LSM11: variants seen among roughly 807,000 people sequenced by gnomAD.
LSM11 encodes the protein LSM11, U7 small nuclear RNA associated, also known as U7 snRNA-associated Sm-like protein LSm11.
Under a neutral mutation model 28.1 loss-of-function variants are expected in LSM11, and 14 were observed. That is an observed-to-expected ratio of 0.50 (90% CI 0.33 to 0.78). The LOEUF (loss-of-function observed/expected upper bound fraction) is 0.78, where lower values mean the gene tolerates loss of function less well. LSM11 is among the 30% of genes least tolerant of loss of function. The pLI, the probability that LSM11 is intolerant of heterozygous loss-of-function variation, is 0.02. For synonymous variants in LSM11, 207 were observed against 214.2 expected, an observed-to-expected ratio of 0.97 and a Z score of 0.30; for missense variants, 495 against 510.6, an observed-to-expected ratio of 0.97 and a Z score of 0.30.
rs568885579 is a variant in LSM11 at position 157,744,197 on chromosome 5, C to T, written c.447C>T (p.Pro149=). Residue 149 remains proline (P), a splice_region_variant and synonymous_variant, in exon 1 of 4, where the codon CCC becomes CCT. Coordinates refer to ENST00000286307, the MANE Select transcript of LSM11 (RefSeq NM_173491.4). ...CACGCAACGTGCTCACGCGAATGCC[C>T]TGTGAGTCCGCGGGCCGGGCGGGAA... ...KAPRNVLTRM[P]LHEGSPLGEL... is the part of the protein sequence containing the mutation. 4 of 1,282,468 alleles carry T rather than the reference C, an allele frequency of 3.1e-6. No homozygotes were observed. The South Asian group carries it at 7.4e-5, about 24-fold the overall frequency. The allele number at this position is 1,282,468 out of a possible 1,614,324, so 79.4% of individuals were successfully genotyped here.
chr5:157,749,583 C>T (rs879469503), intron 1 of LSM11, among the ~76,000 whole-genome samples: 18 of 64,826 alleles, frequency 2.8e-4, no homozygotes, highest in Admixed American at 1.4e-3. Context: ...CGCGCGCGCA[C>T]GCGCGCACAC....
At position 157,755,082 on chromosome 5, in the gene LSM11, A is replaced by G. The variant is rs773320940; in HGVS notation, c.901A>G (p.Thr301Ala). ...GTCCAGGTCAGAGCTGTCAGGGAGG[A>G]CTACACGGACAGACGGCTCCAGTGT... ...EESRSELSGRTTRTDGSSVGG... is the reference protein window; with the variant it reads ...EESRSELSGRATRTDGSSVGG... Residue 301 changes from threonine (T) to alanine (A), a missense_variant, in exon 4 of 4, where the codon ACT becomes GCT. Transcript: ENST00000286307. The G allele has an allele frequency of 2.5e-6, 4 of 1,614,176 alleles. No individual in the cohort carries two copies. The African/African-American group carries it at 4.0e-5, about 16-fold the overall frequency.
intron 1 of LSM11, among the ~76,000 whole-genome samples, chr5:157,746,793 C>A (rs375963396): frequency 6.6e-6 from 1 of 152,072 alleles, no homozygotes; most frequent in Non-Finnish European, 1.5e-5. Flanking sequence ...GCCTCTAGTT[C>A]CAGCTGTTCA....
rs763351798 is a variant in LSM11, at chr5:157,756,064, G to A, written c.*800G>A. ...ACCCTGTGGTATTGCCCCTCTGTCC[G>A]TAGTGTGAACTGTCCTGTGAGCTTT... On this transcript the variant is annotated 3_prime_UTR_variant, in exon 4 of 4. Transcript: ENST00000286307. 1 of 194,560 alleles carries A rather than the reference G, an allele frequency of 5.1e-6. No individual in the cohort carries two copies. The highest frequency in any genetic ancestry group is 1.0e-5 in the Non-Finnish European group (1 of 96,086). 12.1% of individuals were successfully genotyped at this position (194,560 alleles called of 1,614,324 possible).
rs1211859089 is a variant in LSM11, at chr5:157,760,420, TC to T, written c.*5157del. ...TACTGACATCTAAAGACATCAGCCT[TC>T]TCTTTGGCAACCCTGGGGATACTCC... On this transcript the variant is annotated 3_prime_UTR_variant, in exon 4 of 4. Coordinates refer to ENST00000286307, the MANE Select transcript of LSM11 (RefSeq NM_173491.4). 4 of 152,246 alleles carry T rather than the reference TC, an allele frequency of 2.6e-5. No individual in the cohort carries two copies. Among genetic ancestry groups the T allele is most frequent in the African/African-American group, 9.6e-5 (4 of 41,454 alleles). The allele number at this position is 152,246 out of a possible 1,614,324, so 9.4% of individuals were successfully genotyped here.
At chr5:157,751,154 A>G (rs1290493063) in intron 1 of LSM11, among the ~76,000 whole-genome samples, 1 of 152,192 alleles carries the variant, frequency 6.6e-6, no homozygotes. Context: ...CCGGTAGTGA[A>G]ACATTTGGCT....
At chr5:157,750,034 C>T (rs1308127496) in intron 1 of LSM11, among the ~76,000 whole-genome samples, 1 of 152,164 alleles carries the variant, frequency 6.6e-6, no homozygotes, top group African/African-American at 2.4e-5. Context: ...CAAAAATAAA[C>T]TTTCTACAGA....
chr5:157,751,584 TA>T (rs56398160), intron 2 of LSM11, 55 bp downstream of exon 2: 1,567,244 of 1,567,252 alleles, frequency 1, 783,618 homozygotes, highest in Middle Eastern at 1. Flanking sequence ...ATATCTTCTA[TA>T]ATATTTAAAG....
At position 157,755,253 on chromosome 5, in the gene LSM11, C is replaced by G. The variant is rs528796576; in HGVS notation, c.1072C>G (p.Leu358Val). ...AGGCGAGAATGTCCTGCTGGTTCAT[C>G]TTGCACAGTGACCAGCTCAGCCTGA... Reference protein sequence around the residue: ...IRGENVLLVHLAQ With the variant: ...IRGENVLLVHVAQ Residue 358 changes from leucine (L) to valine (V), a missense_variant, in exon 4 of 4, where the codon CTT becomes GTT. Transcript: ENST00000286307. 1.2e-6 allele frequency: 2 copies of G among 1,613,612 alleles called. No homozygotes were observed. Among genetic ancestry groups the G allele is most frequent in the South Asian group, 2.2e-5 (2 of 90,992 alleles).
At chr5:157,746,931 A>G (rs918075497) in intron 1 of LSM11, among the ~76,000 whole-genome samples, 37 of 152,146 alleles carry the variant, frequency 2.4e-4, no homozygotes, top group African/African-American at 8.2e-4. Context: ...TAATAAAAGT[A>G]TAGGAGGCTG....
rs547490009 is a variant in LSM11, at chr5:157,756,156, C to T, written c.*892C>T. 7.6e-4 allele frequency: 118 copies of T among 155,022 alleles called. No individual in the cohort carries two copies. The highest frequency in any genetic ancestry group is 1.5e-3 in the Non-Finnish European group (103 of 69,698). The allele number at this position is 155,022 out of a possible 1,614,324, so 9.6% of individuals were successfully genotyped here. On this transcript the variant is annotated 3_prime_UTR_variant, in exon 4 of 4. Coordinates refer to ENST00000286307, the MANE Select transcript of LSM11 (RefSeq NM_173491.4). The stretch of plus-strand genomic sequence containing the variant: ...TGTGCATGAACTCGGTAATACACAT[C>T]ACACGGCTGAGAGTCCCCTTTCCAG...
In LSM11 at chr5:157,756,932, C is replaced by T. The variant is rs1761336968; in HGVS notation, c.*1668C>T. ...CCTGTAATCCCAGCACTTTGGGAGG[C>T]TGAGGCGGGTGGATCACAAGGTCAG... On this transcript the variant is annotated 3_prime_UTR_variant, in exon 4 of 4. Coordinates refer to ENST00000286307, the MANE Select transcript of LSM11 (RefSeq NM_173491.4). 6.6e-6 allele frequency: 1 copy of T among 152,338 alleles called. No homozygotes were observed. Among genetic ancestry groups the T allele is most frequent in the African/African-American group, 2.4e-5 (1 of 41,450 alleles). The allele number at this position is 152,338 out of a possible 1,614,324, so 9.4% of individuals were successfully genotyped here.
rs377064677 is a variant in LSM11 at position 157,749,817 on chromosome 5, C to A, written c.449-1573C>A. Among the ~76,000 whole-genome samples, 5 of 152,290 alleles carry A rather than the reference C, an allele frequency of 3.3e-5. No homozygotes were observed. The South Asian group carries it at 1.0e-3, about 32-fold the overall frequency. On this transcript the variant is annotated intron_variant, in intron 1 of 3. Transcript: ENST00000286307. ...TGCTAAGTCATTTTCTTCTAAGAAT[C>A]TTTTATTAATTTATCACAGCCATCA... is the stretch of plus-strand genomic sequence containing the variant.
At chr5:157,749,588 G>GCACACACA (rs200970813) in intron 1 of LSM11, among the ~76,000 whole-genome samples, 1,925 of 142,370 alleles carry the variant, frequency 0.014, 48 homozygotes, top group African/African-American at 0.049. Context: ...GCGCACGCGC[G>GCACACACA]CACACACACA....
intron 2 of LSM11, among the ~76,000 whole-genome samples, chr5:157,753,137 G>T (rs927237889): frequency 3.3e-5 from 5 of 152,162 alleles, no homozygotes; most frequent in Non-Finnish European, 5.9e-5. Context: ...CACACTGTTA[G>T]TAAGTGGAAG....
At chr5:157,745,228 G>A (rs1761130258) in intron 1 of LSM11, among the ~76,000 whole-genome samples, 1 of 152,232 alleles carries the variant, frequency 6.6e-6, no homozygotes, top group South Asian at 2.1e-4. Flanking sequence ...TCTGTATCCT[G>A]ATAATTAAAT....
intron 1 of LSM11, among the ~76,000 whole-genome samples, chr5:157,750,917 G>A (rs1490686323): frequency 6.6e-6 from 1 of 152,150 alleles, no homozygotes; most frequent in African/African-American, 2.4e-5. Context: ...GAGTAGCTGA[G>A]ATTACAGGCA....
chr5:157,747,357 G>T, intron 1 of LSM11: 1 of 154,366 alleles, frequency 6.5e-6, no homozygotes, highest in Non-Finnish European at 1.4e-5. Context: ...CAGGTGTGTT[G>T]GTGTGCAGCC....
rs1163089795 is a variant in LSM11, at chr5:157,755,543, A to T, written c.*279A>T. 1 of 532,846 alleles carries T rather than the reference A, an allele frequency of 1.9e-6. No homozygotes were observed. Among genetic ancestry groups the T allele is most frequent in the East Asian group, 3.0e-5 (1 of 33,504 alleles). The allele number at this position is 532,846 out of a possible 1,614,324, so 33.0% of individuals were successfully genotyped here. A position where few individuals can be genotyped will look rare whatever the true frequency, so the allele number is the denominator to read the frequency against. On this transcript the variant is annotated 3_prime_UTR_variant, in exon 4 of 4. Coordinates refer to ENST00000286307, the MANE Select transcript of LSM11 (RefSeq NM_173491.4). ...TTCAGACCCTGAAACCAAATATCTG[A>T]TCTTCCATTAGACTTAGGGGTCATG...
Sources: gnomAD v4.1 joint callset for allele counts (sites outside exome capture counted in the v4.1 genomes callset) on GRCh38, gnomAD v4.1.1 for gene constraint, MANE v1.5 for transcripts, NCBI Gene and HGNC (gene_info 2026-07-23, HGNC 2026-07-21) for gene names.